KCNC2: variants seen among roughly 807,000 people sequenced by gnomAD.
KCNC2 encodes the protein voltage-gated potassium channel KCNC2.
In KCNC2, 21 loss-of-function variants were observed where a neutral mutation model predicts 44.5. The ratio of observed to expected loss-of-function variants is 0.47; its 90% CI spans 0.33 to 0.68. The LOEUF is 0.68. KCNC2 is among the 30% of genes least tolerant of loss of function. The pLI is 0.01. For missense variants in KCNC2, 589 were observed against 826.2 expected (o/e 0.71, Z 3.52); for synonymous variants, 391 against 339.1 (o/e 1.15, Z -1.68).
chr12:75,182,323 G>T (rs967988452), intron 2 of KCNC2, among the ~76,000 whole-genome samples: 4 of 141,820 alleles, frequency 2.8e-5, no homozygotes, highest in African/African-American at 1.1e-4. Flanking sequence ...AGGAGATGGA[G>T]ACCATCCTGG....
At chr12:75,100,636 A>C (rs1356085276) in intron 2 of KCNC2, among the ~76,000 whole-genome samples, 1 of 152,038 alleles carries the variant, frequency 6.6e-6, no homozygotes, top group Non-Finnish European at 1.5e-5. Context: ...TATTCTAAAA[A>C]TTGTTTTTAA....
intron 2 of KCNC2, among the ~76,000 whole-genome samples, chr12:75,163,463 A>T (rs1891250757): frequency 3.3e-5 from 5 of 151,794 alleles, no homozygotes; most frequent in Non-Finnish European, 7.4e-5. Flanking sequence ...GAACAAATGC[A>T]TTTAAGTTTC....
rs1879911411 is a variant in KCNC2 at position 75,041,588 on chromosome 12, T to C, written c.*1517A>G. On this transcript the variant is annotated 3_prime_UTR_variant, in exon 5 of 5. Transcript: ENST00000549446. ...ATGCTCAATACATGAGACACGCTAT[T>C]GCTGTTGAATTCATAGGAATGCATA... is the stretch of plus-strand genomic sequence containing the variant. 1 of 1,049,572 alleles carries C rather than the reference T, an allele frequency of 9.5e-7. No individual in the cohort carries two copies. Among genetic ancestry groups the C allele is most frequent in the Non-Finnish European group, 1.2e-6 (1 of 867,034 alleles). The allele number at this position is 1,049,572 out of a possible 1,614,324, so 65.0% of individuals were successfully genotyped here. A position where few individuals can be genotyped will look rare whatever the true frequency, so the allele number is the denominator to read the frequency against.
Position 75,050,931 on chromosome 12 carries a change from A to G in KCNC2, c.1074T>C (p.Ile358=). 1.2e-6 allele frequency: 2 copies of G among 1,613,622 alleles called. No individual in the cohort carries two copies. The highest frequency in any genetic ancestry group is 2.2e-5 in the East Asian group (1 of 44,822). ...CTACAAAATGGCGGGTGAGCTTGAA[A>G]ATTCTCAGGATCCTCACAAACCTTA... is the stretch of plus-strand genomic sequence containing the variant. The part of the protein sequence containing the change: ...RVVRFVRILR[I]FKLTRHFVGL... Residue 358 remains isoleucine, a synonymous_variant, in exon 3 of 5, where the codon ATT becomes ATC. Coordinates refer to ENST00000549446, the MANE Select transcript of KCNC2 (RefSeq NM_139137.4).
At chr12:75,143,254 T>C (rs1889784461) in intron 2 of KCNC2, among the ~76,000 whole-genome samples, 1 of 152,196 alleles carries the variant, frequency 6.6e-6, no homozygotes, top group South Asian at 2.1e-4. Context: ...CCAAGGCCTC[T>C]GAGATTTATG....
chr12:75,204,010 A>C (rs2031494588), intron 2 of KCNC2, among the ~76,000 whole-genome samples: 1 of 151,924 alleles, frequency 6.6e-6, no homozygotes, highest in Non-Finnish European at 1.5e-5. Context: ...ACAGTGCATC[A>C]CATTTTTACA....
At position 75,207,695 on chromosome 12, in the gene KCNC2, C is replaced by T. The variant is rs1168781827; in HGVS notation, c.289G>A (p.Gly97Ser). ...TCGAAGAAGAACTCGCGGCCGCCAC[C>T]GGGATGGTCGCTGGCCCTGCCGCCG... ...SRGGRASDHP[G>S]GGREFFFDRH... Residue 97 changes from glycine (G) to serine (S), a missense_variant, in exon 2 of 5, where the codon GGT (glycine) becomes AGT (serine). Coordinates refer to ENST00000549446, the MANE Select transcript of KCNC2 (RefSeq NM_139137.4). The surrounding 1 kb of genome is among the most constrained non-coding windows in gnomAD (Gnocchi z 4.1). The T allele has an allele frequency of 8.2e-6, 13 of 1,594,730 alleles. No individual in the cohort carries two copies. The highest frequency in any genetic ancestry group is 2.7e-5 in the African/African-American group (2 of 74,570).
chr12:75,148,626 T>C (rs1890182997), intron 2 of KCNC2, among the ~76,000 whole-genome samples: 1 of 152,068 alleles, frequency 6.6e-6, no homozygotes, highest in Non-Finnish European at 1.5e-5. Flanking sequence ...TTTCATGTTA[T>C]ATTTTTTAGG....
chr12:75,182,287 G>C (rs1892637226), intron 2 of KCNC2, among the ~76,000 whole-genome samples: 1 of 151,524 alleles, frequency 6.6e-6, no homozygotes, highest in Admixed American at 6.6e-5. Flanking sequence ...CACTTTGGGA[G>C]GCCGAGGGGG....
At chr12:75,185,015 G>A (rs868689463) in intron 2 of KCNC2, among the ~76,000 whole-genome samples, 6 of 152,170 alleles carry the variant, frequency 3.9e-5, no homozygotes, top group African/African-American at 1.4e-4. Flanking sequence ...GGGAGCAGAA[G>A]CATAAAGCCG....
chr12:75,104,693 T>C (rs12308838), intron 2 of KCNC2, among the ~76,000 whole-genome samples: 7,547 of 152,194 alleles, frequency 0.05, 476 homozygotes, highest in East Asian at 0.14. Flanking sequence ...AGTTTTCAAA[T>C]ATCAATTTAT....
intron 2 of KCNC2, among the ~76,000 whole-genome samples, chr12:75,086,660 CAAAA>C (rs751242858): frequency 8.5e-6 from 1 of 117,014 alleles, no homozygotes; most frequent in African/African-American, 3.1e-5. Flanking sequence ...GTTCATTTGG[CAAAA>C]AAAAAAAAAA....
intron 2 of KCNC2, among the ~76,000 whole-genome samples, chr12:75,194,313 G>T (rs1382037343): frequency 1.3e-5 from 2 of 152,116 alleles, no homozygotes; most frequent in African/African-American, 4.8e-5. Context: ...CCAGGGGAAG[G>T]GGATCATCAT....
At chr12:75,105,710 G>A (rs957411573) in intron 2 of KCNC2, among the ~76,000 whole-genome samples, 32 of 152,090 alleles carry the variant, frequency 2.1e-4, no homozygotes, top group African/African-American at 7.0e-4. Flanking sequence ...CATACAAATC[G>A]AAGAATCAAG....
chr12:75,172,717 A>T (rs1333860389), intron 2 of KCNC2, among the ~76,000 whole-genome samples: 2 of 151,846 alleles, frequency 1.3e-5, no homozygotes, highest in Non-Finnish European at 2.9e-5. Flanking sequence ...AGCCTTTTAC[A>T]TCCTTTCTTA....
chr12:75,053,739 G>A (rs10785170), intron 2 of KCNC2, among the ~76,000 whole-genome samples: 130,175 of 147,392 alleles, frequency 0.88, 57,624 homozygotes, highest in Admixed American at 0.91. Flanking sequence ...GTAATATTTT[G>A]CTATAATATA....
At chr12:75,180,439 T>G (rs1489188114) in intron 2 of KCNC2, among the ~76,000 whole-genome samples, 1 of 151,860 alleles carries the variant, frequency 6.6e-6, no homozygotes, top group Non-Finnish European at 1.5e-5. Flanking sequence ...TATGCACAAT[T>G]TATTGTGAAA....
intron 2 of KCNC2, among the ~76,000 whole-genome samples, chr12:75,176,398 TCC>T (rs1892185110): frequency 6.6e-6 from 1 of 152,052 alleles, no homozygotes; most frequent in South Asian, 2.1e-4. Context: ...TCAAAACCTT[TCC>T]ATGGCTTCCA....
chr12:75,082,841 C>A lies in KCNC2; in HGVS notation c.688-31524G>T, dbSNP rs1280607490. 5.9e-5 allele frequency among the ~76,000 whole-genome samples: 9 copies of A among 151,588 alleles called. No homozygotes were observed. The East Asian group carries it at 1.7e-3, about 29-fold the overall frequency. On this transcript the variant is annotated intron_variant, in intron 2 of 4. Coordinates refer to ENST00000549446, the MANE Select transcript of KCNC2 (RefSeq NM_139137.4). ...AAAGATAGCATACATTTCATTTTTGCATCTAGAGATGGAGATACCTATAGA... is the reference window on the plus strand; with the variant it reads ...AAAGATAGCATACATTTCATTTTTGAATCTAGAGATGGAGATACCTATAGA...
Sources: gnomAD v4.1 joint callset for allele counts (sites outside exome capture counted in the v4.1 genomes callset) on GRCh38, gnomAD v4.1.1 for gene constraint, Gnocchi (gnomAD v3.1) non-coding constraint, MANE v1.5 for transcripts, NCBI Gene and HGNC (gene_info 2026-07-23, HGNC 2026-07-21) for gene names.